The following THNSL2 variants were observed in gnomAD, a reference collection of about 807,000 sequenced individuals.
The protein encoded by THNSL2 is threonine synthase-like 2.
A neutral mutation model predicts 40.0 loss-of-function variants in THNSL2; 34 were observed. The observed-to-expected ratio is 0.85, with a 90% CI of 0.65 to 1.13. The LOEUF (loss-of-function observed/expected upper bound fraction) is 1.13. Ranked by LOEUF, THNSL2 falls within the 50% of genes most tolerant of loss-of-function variation. The pLI, the probability that THNSL2 is intolerant of heterozygous loss-of-function variation, is 0.00. For synonymous variants in THNSL2, 241 were observed against 247.5 expected (o/e 0.97, Z 0.25); for missense variants, 537 against 608.8 (o/e 0.88, Z 1.24).
At chr2:88,185,292 C>A in intron 7 of THNSL2, 36 bp from the exon 8 acceptor site, 5 of 1,593,182 alleles carry the variant, frequency 3.1e-6, no homozygotes, top group South Asian at 1.1e-5. Context: ...TACATCCCCC[C>A]CCCACACCTC....
chr2:88,183,173 T>G, intron 7 of THNSL2, 100 bp downstream of exon 7: 1 of 1,500,008 alleles, frequency 6.7e-7, no homozygotes, highest in Non-Finnish European at 9.0e-7. Flanking sequence ...CACCTGTTTC[T>G]TGAGTACCTG....
At chr2:88,181,521 C>A (rs1573201536) in intron 5 of THNSL2, among the ~76,000 whole-genome samples, 1 of 84,458 alleles carries the variant, frequency 1.2e-5, no homozygotes, top group African/African-American at 4.5e-5. Flanking sequence ...TCTCTCTCCT[C>A]TCTCTCCCCT....
intron 7 of THNSL2, among the ~76,000 whole-genome samples, chr2:88,184,210 T>G (rs193037367): frequency 1.6e-4 from 25 of 152,328 alleles, no homozygotes; most frequent in Admixed American, 7.2e-4. Context: ...ATTTGGTTAA[T>G]GGTGTGTTTT....
intron 2 of THNSL2, among the ~76,000 whole-genome samples, chr2:88,174,056 G>A (rs78168096): frequency 0.1 from 15,801 of 152,164 alleles, 1,088 homozygotes; most frequent in Admixed American, 0.18. Flanking sequence ...CATTGCTTGG[G>A]CACTTGTTGG....
chr2:88,176,411 C>T (rs1676944780), intron 4 of THNSL2: 1 of 152,226 alleles, frequency 6.6e-6, no homozygotes. Flanking sequence ...TTACCTCTCA[C>T]ACCCCACTGG....
chr2:88,180,862 G>A (rs1411810504), intron 5 of THNSL2, among the ~76,000 whole-genome samples: 1 of 152,154 alleles, frequency 6.6e-6, no homozygotes, highest in Non-Finnish European at 1.5e-5. Flanking sequence ...AGGAGGCTGA[G>A]TCGAGGGAGG....
intron 5 of THNSL2, among the ~76,000 whole-genome samples, chr2:88,179,231 A>G (rs575559931): frequency 1.3e-5 from 2 of 152,346 alleles, no homozygotes; most frequent in East Asian, 3.9e-4. Context: ...GTGATGGCTT[A>G]ACCCCACATG....
At position 88,186,536 on chromosome 2, in the gene THNSL2, A is replaced by G. The variant is rs1290651662; in HGVS notation, c.*413A>G. The G allele has an allele frequency of 1.0e-5, 2 of 196,242 alleles. No homozygotes were observed. The highest frequency in any genetic ancestry group is 2.1e-5 in the Non-Finnish European group (2 of 93,082). The allele number at this position is 196,242 out of a possible 1,614,324, so 12.2% of individuals were successfully genotyped here. On this transcript the variant is annotated 3_prime_UTR_variant, in exon 9 of 9. Transcript: ENST00000674334. ...AGCCTTAGTTGATTTTGGCCCCCAA[A>G]CCAAATCCAAAGGTTCTGGCCCACC...
rs1358289179 is a variant in THNSL2 at position 88,186,451 on chromosome 2, C to CT, written c.*328_*329insT. The CT allele has an allele frequency of 3.5e-5, 11 of 316,024 alleles. No individual in the cohort carries two copies. The highest frequency in any genetic ancestry group is 5.5e-5 in the Non-Finnish European group (9 of 164,572). The allele number at this position is 316,024 out of a possible 1,614,324, so 19.6% of individuals were successfully genotyped here. A position where few individuals can be genotyped will look rare whatever the true frequency, so the allele number is the denominator to read the frequency against. ...GACCATGGCTCCAGGGGTTTAGGAC[C>CT]CCAGACCTGTGAAGGTGGGAGCAGC... On this transcript the variant is annotated 3_prime_UTR_variant, in exon 9 of 9. Transcript: ENST00000674334.
At chr2:88,171,031 G>T (rs113997269) in intron 1 of THNSL2, among the ~76,000 whole-genome samples, 2 of 152,164 alleles carry the variant, frequency 1.3e-5, no homozygotes, top group African/African-American at 2.4e-5. Flanking sequence ...ATAGGGTCCA[G>T]AGGAGTGGCA....
intron 1 of THNSL2, chr2:88,171,315 C>T (rs774327942): frequency 2.2e-6 from 1 of 456,690 alleles, no homozygotes; most frequent in Non-Finnish European, 4.4e-6. Flanking sequence ...TGGGTATGTG[C>T]TCATCAGGCC....
At chr2:88,175,095 G>A (rs756476102) in intron 3 of THNSL2, among the ~76,000 whole-genome samples, 154 bp from the exon 4 acceptor site, 2 of 152,188 alleles carry the variant, frequency 1.3e-5, no homozygotes, top group Non-Finnish European at 2.9e-5. Flanking sequence ...TTTATCCGTG[G>A]ATCCATGGAC....
Position 88,175,244 on chromosome 2 carries a change from T to A in THNSL2, c.419-5T>A, listed in dbSNP as rs1208727245. 1 of 1,613,382 alleles carries A rather than the reference T, an allele frequency of 6.2e-7. No homozygotes were observed. On this transcript the variant is annotated splice_polypyrimidine_tract_variant and splice_region_variant and intron_variant, in intron 3 of 8. Coordinates refer to ENST00000674334, the MANE Select transcript of THNSL2 (RefSeq NM_018271.5). Reference sequence around the variant, plus strand: ...GGGGGAGAGTTCTCCTTTCTTCCCATCCAGGAACATCTGGGGACACAGGAA... The same window carrying A: ...GGGGGAGAGTTCTCCTTTCTTCCCAACCAGGAACATCTGGGGACACAGGAA...
At position 88,185,348 on chromosome 2, in the gene THNSL2, C is replaced by T. The variant is rs766873245; in HGVS notation, c.1098C>T (p.Ser366=). The change falls in exon 8 of 9, where the codon TCC becomes TCT. Residue 366 remains serine (S), a synonymous_variant. Transcript: ENST00000674334. ...LHSKLSEAVT[S]VSVSDEAITQ... ...TTCAGCTTTCAGAGGCAGTGACATCCGTGTCAGTGTCGGATGAAGCCATCA... is the reference window on the plus strand; with the variant it reads ...TTCAGCTTTCAGAGGCAGTGACATCTGTGTCAGTGTCGGATGAAGCCATCA... The T allele has an allele frequency of 1.9e-6, 3 of 1,613,598 alleles. No individual in the cohort carries two copies. Among genetic ancestry groups the T allele is most frequent in the East Asian group, 2.2e-5 (1 of 44,876 alleles).
At chr2:88,176,318 T>G (rs1343022713) in intron 4 of THNSL2, 1 of 152,250 alleles carries the variant, frequency 6.6e-6, no homozygotes, top group Non-Finnish European at 1.5e-5. Context: ...TCAGGCCATC[T>G]ATTCCTAATG....
At chr2:88,181,588 TG>T (rs1410409893) in intron 5 of THNSL2, among the ~76,000 whole-genome samples, 1 of 147,898 alleles carries the variant, frequency 6.8e-6, no homozygotes, top group African/African-American at 2.5e-5. Flanking sequence ...TGTGTGTGTG[TG>T]TGTGTCTGTA....
chr2:88,186,506 C>T lies in THNSL2; in HGVS notation c.*383C>T, dbSNP rs1024160998. 7 of 220,588 alleles carry T rather than the reference C, an allele frequency of 3.2e-5. No homozygotes were observed. Among genetic ancestry groups the T allele is most frequent in the African/African-American group, 1.6e-4 (7 of 45,158 alleles). The allele number at this position is 220,588 out of a possible 1,614,324, so 13.7% of individuals were successfully genotyped here. A position where few individuals can be genotyped will look rare whatever the true frequency, so the allele number is the denominator to read the frequency against. On this transcript the variant is annotated 3_prime_UTR_variant, in exon 9 of 9. Coordinates refer to ENST00000674334, the MANE Select transcript of THNSL2 (RefSeq NM_018271.5). ...CACCTTCACGCAGGCTTTGTATGTT[C>T]TCTGAGCCTTAGTTGATTTTGGCCC...
At chr2:88,182,471 T>C (rs1169237353) in intron 5 of THNSL2, 1 of 390,928 alleles carries the variant, frequency 2.6e-6, no homozygotes. Context: ...TATTATTGAG[T>C]TGCAACAGTT....
At chr2:88,173,770 A>G (rs1431381605) in intron 2 of THNSL2, among the ~76,000 whole-genome samples, 2 of 152,046 alleles carry the variant, frequency 1.3e-5, no homozygotes, top group Admixed American at 1.3e-4. Context: ...AATTCCAGAA[A>G]GGACTTCAAG....
Sources: allele counts gnomAD v4.1 joint callset (sites outside exome capture counted in the v4.1 genomes callset), GRCh38; gene constraint gnomAD v4.1.1; transcripts MANE v1.5; gene names NCBI Gene and HGNC (gene_info 2026-07-23, HGNC 2026-07-21).